SNTG1: variants seen among roughly 807,000 people sequenced by gnomAD.
SNTG1 encodes the protein syntrophin gamma 1.
In SNTG1, 39 loss-of-function variants were observed where a neutral mutation model predicts 74.7. That is an observed-to-expected ratio of 0.52 (90% CI 0.40 to 0.68). SNTG1 has a LOEUF of 0.68. Ranked by LOEUF, SNTG1 falls within the 30% of genes least tolerant of loss-of-function variation. The pLI, the probability that SNTG1 is intolerant of heterozygous loss-of-function variation, is 0.00. For missense variants in SNTG1, 685 were observed against 609.5 expected (o/e 1.12, Z -1.30); for synonymous variants, 254 against 217.1 (o/e 1.17, Z -1.49).
At chr8:50,651,931 G>A (rs2095149329) in intron 13 of SNTG1, among the ~76,000 whole-genome samples, 2 of 151,426 alleles carry the variant, frequency 1.3e-5, no homozygotes, top group South Asian at 4.2e-4. Context: ...GGCATTTTTA[G>A]TAGAGATGGG....
At chr8:50,142,533 G>T (rs1189768677) in intron 1 of SNTG1, among the ~76,000 whole-genome samples, 2 of 151,680 alleles carry the variant, frequency 1.3e-5, no homozygotes, top group African/African-American at 2.4e-5. Context: ...TTAAGTGAGA[G>T]AATTTATTTA....
chr8:50,561,919 C>G (rs963118678), intron 12 of SNTG1, among the ~76,000 whole-genome samples: 1 of 152,144 alleles, frequency 6.6e-6, no homozygotes, highest in Non-Finnish European at 1.5e-5. Flanking sequence ...CTTCTATAAC[C>G]TTTCAGCTTT....
intron 13 of SNTG1, among the ~76,000 whole-genome samples, chr8:50,598,162 C>G (rs1231529729): frequency 6.6e-6 from 1 of 151,708 alleles, no homozygotes; most frequent in Non-Finnish European, 1.5e-5. Context: ...TTTCATGAAG[C>G]AATTTCCCTA....
intron 1 of SNTG1, among the ~76,000 whole-genome samples, chr8:49,931,901 G>A (rs1807629288): frequency 6.6e-6 from 1 of 152,184 alleles, no homozygotes; most frequent in Admixed American, 6.5e-5. Flanking sequence ...GATGGCTTCT[G>A]GCTGAATGAG....
At chr8:50,770,666 G>C (rs1168086690) in intron 18 of SNTG1, among the ~76,000 whole-genome samples, 1 of 152,052 alleles carries the variant, frequency 6.6e-6, no homozygotes, top group Non-Finnish European at 1.5e-5. Flanking sequence ...GTTAAAATTT[G>C]ATTCTCAATG....
chr8:50,529,125 C>A (rs549713034), intron 9 of SNTG1, among the ~76,000 whole-genome samples: 1 of 151,582 alleles, frequency 6.6e-6, no homozygotes, highest in East Asian at 1.9e-4. Flanking sequence ...AATGTATATG[C>A]TTTAAAATAA....
At chr8:50,292,081 T>A (rs1051683286) in intron 2 of SNTG1, among the ~76,000 whole-genome samples, 1 of 152,098 alleles carries the variant, frequency 6.6e-6, no homozygotes, top group South Asian at 2.1e-4. Context: ...GAATCTGGAA[T>A]TCAGGGAATA....
At chr8:50,363,495 G>A (rs2092021124) in intron 2 of SNTG1, among the ~76,000 whole-genome samples, 1 of 151,886 alleles carries the variant, frequency 6.6e-6, no homozygotes, top group South Asian at 2.1e-4. Context: ...TTGTGTTGGG[G>A]AAAATCACTT....
intron 2 of SNTG1, among the ~76,000 whole-genome samples, chr8:50,267,521 A>T (rs1362636420): frequency 6.6e-6 from 1 of 152,166 alleles, no homozygotes; most frequent in African/African-American, 2.4e-5. Context: ...ACAGTTGGTG[A>T]GGTTGAGAAA....
chr8:50,463,659 C>T (rs1398714888), intron 8 of SNTG1, among the ~76,000 whole-genome samples: 1 of 152,086 alleles, frequency 6.6e-6, no homozygotes, highest in African/African-American at 2.4e-5. Context: ...TATTCTATTC[C>T]TAGAGTACAG....
At chr8:50,786,560 AG>A (rs1413906276) in intron 18 of SNTG1, among the ~76,000 whole-genome samples, 1 of 151,984 alleles carries the variant, frequency 6.6e-6, no homozygotes, top group Non-Finnish European at 1.5e-5. Context: ...TTGGCAAATA[AG>A]TTGGAGAGAA....
intron 2 of SNTG1, among the ~76,000 whole-genome samples, chr8:50,317,973 A>C (rs1459613288): frequency 6.6e-6 from 1 of 152,088 alleles, no homozygotes; most frequent in African/African-American, 2.4e-5. Flanking sequence ...AGTAGCTGGG[A>C]CTACAGGCGC....
At chr8:49,911,361 T>G (rs931991216), upstream of SNTG1, 2 of 151,928 alleles carry the variant, frequency 1.3e-5, no homozygotes, top group Admixed American at 6.6e-5. Flanking sequence ...TCTCTCTGCC[T>G]CTCTCGTGCG....
intron 2 of SNTG1, among the ~76,000 whole-genome samples, chr8:50,238,780 T>C (rs1465552434): frequency 6.6e-6 from 1 of 152,026 alleles, no homozygotes; most frequent in African/African-American, 2.4e-5. Flanking sequence ...TACAAGGAAC[T>C]CAAACAAATT....
At chr8:50,127,485 C>G (rs2081185702) in intron 1 of SNTG1, among the ~76,000 whole-genome samples, 1 of 152,042 alleles carries the variant, frequency 6.6e-6, no homozygotes, top group African/African-American at 2.4e-5. Context: ...GGCCCACCGC[C>G]CAGTGGGTAG....
intron 17 of SNTG1, among the ~76,000 whole-genome samples, chr8:50,721,288 C>T (rs551515279): frequency 1.4e-4 from 22 of 152,216 alleles, no homozygotes; most frequent in African/African-American, 5.3e-4. Flanking sequence ...TTGTAAGTGT[C>T]AAAAATAAAA....
chr8:50,595,948 C>G (rs552341603), intron 13 of SNTG1, among the ~76,000 whole-genome samples: 2 of 151,964 alleles, frequency 1.3e-5, no homozygotes, highest in East Asian at 1.9e-4. Flanking sequence ...TATGAAAAGT[C>G]TTTGTCTTGA....
intron 2 of SNTG1, among the ~76,000 whole-genome samples, chr8:50,334,968 G>A (rs2091093311): frequency 6.6e-6 from 1 of 152,146 alleles, no homozygotes. Context: ...ACTTACAAAG[G>A]AGACTATTTT....
chr8:50,482,518 C>A (rs1044840065), intron 8 of SNTG1, among the ~76,000 whole-genome samples: 11 of 152,148 alleles, frequency 7.2e-5, no homozygotes, highest in African/African-American at 2.4e-4. Flanking sequence ...TGCAAACTCC[C>A]AATGAGCACT....
Sources: gnomAD v4.1 joint callset for allele counts (sites outside exome capture counted in the v4.1 genomes callset) on GRCh38, gnomAD v4.1.1 for gene constraint, MANE v1.5 for transcripts, NCBI Gene and HGNC (gene_info 2026-07-23, HGNC 2026-07-21) for gene names.